The following TRAPPC9 variants were observed in gnomAD, a reference collection of about 807,000 sequenced individuals.
TRAPPC9 encodes the protein trafficking protein particle complex subunit 9.
In TRAPPC9, 83 loss-of-function variants were observed where a neutral mutation model predicts 124.0. The observed-to-expected ratio is 0.67, with a 90% CI of 0.56 to 0.80. TRAPPC9 has a LOEUF of 0.80. TRAPPC9 is among the 30% of genes least tolerant of loss of function. The pLI is 0.00. For missense variants in TRAPPC9, 1,302 were observed against 1,508.3 expected (o/e 0.86, Z 2.27); for synonymous variants, 638 against 617.5 (o/e 1.03, Z -0.49).
intron 20 of TRAPPC9, among the ~76,000 whole-genome samples, chr8:139,895,518 T>C (rs1414943057): frequency 6.6e-6 from 1 of 152,226 alleles, no homozygotes; most frequent in African/African-American, 2.4e-5. Context: ...GGAATGTCTA[T>C]TTTTTAAAAC....
chr8:139,769,065 GTCAGAAATA>G (rs1252873198), intron 21 of TRAPPC9, among the ~76,000 whole-genome samples: 6 of 152,176 alleles, frequency 3.9e-5, no homozygotes, highest in Admixed American at 6.6e-5. Context: ...CTCCACAACT[GTCAGAAATA>G]ACTTTTTGTT....
intron 19 of TRAPPC9, among the ~76,000 whole-genome samples, chr8:139,954,531 C>T (rs1024560637): frequency 3.3e-5 from 5 of 152,196 alleles, no homozygotes; most frequent in Non-Finnish European, 5.9e-5. Flanking sequence ...AAGCCACCCA[C>T]CCAGTCTGTG....
At chr8:140,122,524 C>T (rs549717266) in intron 17 of TRAPPC9, among the ~76,000 whole-genome samples, 2 of 152,326 alleles carry the variant, frequency 1.3e-5, no homozygotes, top group South Asian at 4.1e-4. Flanking sequence ...CTATTTATTA[C>T]CTCTGTGACT....
At position 140,246,398 on chromosome 8, in the gene TRAPPC9, T is replaced by A. The variant is rs1012957657; in HGVS notation, c.2431+6379A>T. ...CTCACTGCTGCTGGACTGGTCCGTTTCTAGACTCGGACACTGTACAAGGCT... is the reference window on the plus strand; with the variant it reads ...CTCACTGCTGCTGGACTGGTCCGTTACTAGACTCGGACACTGTACAAGGCT... On this transcript the variant is annotated intron_variant, in intron 16 of 22. Transcript: ENST00000438773. Among the ~76,000 whole-genome samples the A allele has an allele frequency of 2.6e-5, 4 of 152,352 alleles. No homozygotes were observed. The South Asian group carries it at 6.2e-4, about 24-fold the overall frequency.
At chr8:140,071,887 T>G (rs1165905027) in intron 17 of TRAPPC9, among the ~76,000 whole-genome samples, 3 of 152,032 alleles carry the variant, frequency 2.0e-5, no homozygotes, top group Non-Finnish European at 4.4e-5. Flanking sequence ...CCCAGCGGGG[T>G]TGATCCCGGG....
intron 17 of TRAPPC9, among the ~76,000 whole-genome samples, chr8:140,133,247 T>C (rs920479766): frequency 1.3e-5 from 2 of 152,206 alleles, no homozygotes; most frequent in African/African-American, 4.8e-5. Context: ...AACGTAAGGA[T>C]AGTTCAACAT....
chr8:140,331,620 C>CATCATCATCATA (rs754760886), intron 9 of TRAPPC9, among the ~76,000 whole-genome samples: 1 of 151,164 alleles, frequency 6.6e-6, no homozygotes, highest in Non-Finnish European at 1.5e-5. Context: ...AGCAAAAAAT[C>CATCATCATCATA]ATCATCATCA....
At chr8:140,155,216 G>C (rs1471645375) in intron 17 of TRAPPC9, among the ~76,000 whole-genome samples, 1 of 152,224 alleles carries the variant, frequency 6.6e-6, no homozygotes, top group Non-Finnish European at 1.5e-5. Context: ...GGGGCCATTT[G>C]ACTCAAAGAC....
chr8:139,760,883 C>T (rs536493362), intron 21 of TRAPPC9, among the ~76,000 whole-genome samples: 1 of 152,352 alleles, frequency 6.6e-6, no homozygotes, highest in East Asian at 1.9e-4. Context: ...TCCCACAACA[C>T]ATGGGAATTA....
intron 18 of TRAPPC9, among the ~76,000 whole-genome samples, chr8:140,019,928 A>T (rs917633713): frequency 3.3e-5 from 5 of 151,986 alleles, no homozygotes; most frequent in Admixed American, 6.6e-5. Context: ...ATCGTAGGTC[A>T]CTCAAGGTAT....
At chr8:140,203,704 C>G (rs28361990) in intron 17 of TRAPPC9, among the ~76,000 whole-genome samples, 51,052 of 152,102 alleles carry the variant, frequency 0.34, 9,520 homozygotes, top group African/African-American at 0.49. Context: ...AGAGATCAAA[C>G]GAATTCTGCT....
intron 21 of TRAPPC9, among the ~76,000 whole-genome samples, chr8:139,793,510 T>C (rs1231800420): frequency 6.6e-6 from 1 of 152,122 alleles, no homozygotes; most frequent in Admixed American, 6.5e-5. Flanking sequence ...CACTGTGCCT[T>C]GCGCTGACCT....
chr8:140,294,624 T>C (rs988418544), intron 11 of TRAPPC9, among the ~76,000 whole-genome samples: 5 of 152,176 alleles, frequency 3.3e-5, no homozygotes, highest in Admixed American at 2.6e-4. Flanking sequence ...TTTTTCTTTT[T>C]TTGAGATGGA....
intron 6 of TRAPPC9, among the ~76,000 whole-genome samples, chr8:140,398,134 A>G (rs952009879): frequency 2.0e-5 from 3 of 152,188 alleles, no homozygotes; most frequent in African/African-American, 7.2e-5. Flanking sequence ...GCCTTCTGCC[A>G]TGATTGTGAG....
At chr8:139,749,251 A>G (rs1819153965) in intron 21 of TRAPPC9, among the ~76,000 whole-genome samples, 2 of 152,090 alleles carry the variant, frequency 1.3e-5, no homozygotes, top group Admixed American at 6.5e-5. Flanking sequence ...GCAACCCGCC[A>G]TGGCCTGCAT....
At chr8:140,344,101 C>T (rs2067268669) in intron 9 of TRAPPC9, among the ~76,000 whole-genome samples, 1 of 152,140 alleles carries the variant, frequency 6.6e-6, no homozygotes, top group South Asian at 2.1e-4. Context: ...TGGGGGCGAT[C>T]AGGGCATGTG....
At chr8:140,165,411 T>TGCCTGTAA (rs2061817872) in intron 17 of TRAPPC9, among the ~76,000 whole-genome samples, 1 of 150,282 alleles carries the variant, frequency 6.7e-6, no homozygotes, top group Admixed American at 6.6e-5. Context: ...TGGTGGTGCA[T>TGCCTGTAA]GCCTGTAGGC....
chr8:140,285,871 C>T (rs1388755619), intron 13 of TRAPPC9, among the ~76,000 whole-genome samples: 2 of 152,224 alleles, frequency 1.3e-5, no homozygotes, highest in Admixed American at 6.5e-5. Flanking sequence ...CACACCCTCA[C>T]CTACGATTAC....
At chr8:140,101,258 GC>G (rs1413486175) in intron 17 of TRAPPC9, among the ~76,000 whole-genome samples, 1 of 151,980 alleles carries the variant, frequency 6.6e-6, no homozygotes, top group Admixed American at 6.6e-5. Flanking sequence ...TCCTGCCTCA[GC>G]CTCCCAAGTA....
Sources: allele counts gnomAD v4.1 joint callset (sites outside exome capture counted in the v4.1 genomes callset), GRCh38; gene constraint gnomAD v4.1.1; transcripts MANE v1.5; gene names NCBI Gene and HGNC (gene_info 2026-07-23, HGNC 2026-07-21).